CBFA2T3: variants seen among roughly 807,000 people sequenced by gnomAD.
The protein encoded by CBFA2T3 is transcriptional corepressor CBFA2T3.
Under a neutral mutation model 58.6 loss-of-function variants are expected in CBFA2T3, and 31 were observed. The observed-to-expected ratio is 0.53, with a 90% confidence interval of 0.40 to 0.71. CBFA2T3 has a LOEUF of 0.71. Ranked by LOEUF, CBFA2T3 falls within the 30% of genes least tolerant of loss-of-function variation. The pLI is 0.00. For synonymous variants in CBFA2T3, 531 were observed against 421.9 expected (o/e 1.26, Z -3.17); for missense variants, 1,076 against 963.1 (o/e 1.12, Z -1.55).
intron 2 of CBFA2T3, among the ~76,000 whole-genome samples, chr16:88,898,519 C>A (rs980574359): frequency 6.6e-6 from 1 of 152,230 alleles, no homozygotes; most frequent in Non-Finnish European, 1.5e-5. Flanking sequence ...CAGCACTGTT[C>A]CGGAGTTTAC....
intron 5 of CBFA2T3, among the ~76,000 whole-genome samples, chr16:88,888,671 T>C (rs1252005469): frequency 1.4e-5 from 2 of 143,218 alleles, no homozygotes; most frequent in Non-Finnish European, 3.1e-5. Flanking sequence ...CTGGCTTGTA[T>C]CTGAGCCACA....
chr16:88,951,851 G>T (rs142235850), intron 1 of CBFA2T3, among the ~76,000 whole-genome samples: 1 of 152,230 alleles, frequency 6.6e-6, no homozygotes, highest in African/African-American at 2.4e-5. Flanking sequence ...GCAGAGCGGC[G>T]GAGGGTGTGC....
At chr16:88,940,607 G>A (rs766598568) in intron 1 of CBFA2T3, among the ~76,000 whole-genome samples, 20 of 152,172 alleles carry the variant, frequency 1.3e-4, no homozygotes, top group Non-Finnish European at 2.8e-4. Context: ...GGGCAGGAGG[G>A]AGAGGAGCAG....
intron 1 of CBFA2T3, among the ~76,000 whole-genome samples, chr16:88,903,934 G>A (rs972835602): frequency 2.6e-5 from 4 of 152,276 alleles, no homozygotes; most frequent in African/African-American, 9.6e-5. Context: ...TGGATGCAGA[G>A]AGCCCCACTG....
rs1454184016 is a variant in CBFA2T3 at position 88,876,942 on chromosome 16, G to A, written c.*34C>T. ...GCCTGGAGCTGGGTGGGGTTGGCAC[G>A]GTGCTGTGTCCGGCAGGCCAGGGGC... On this transcript the variant is annotated 3_prime_UTR_variant, in exon 12 of 12. Coordinates refer to ENST00000268679, the MANE Select transcript of CBFA2T3 (RefSeq NM_005187.6). 1.1e-5 allele frequency: 15 copies of A among 1,385,740 alleles called. No homozygotes were observed. Among genetic ancestry groups the A allele is most frequent in the Non-Finnish European group, 1.0e-5 (11 of 1,069,850 alleles). 85.8% of individuals were successfully genotyped at this position (1,385,740 alleles called of 1,614,324 possible).
chr16:88,976,641 C>A lies in CBFA2T3; in HGVS notation c.151+16G>T, dbSNP rs1165434531. On this transcript the variant is annotated intron_variant, in intron 1 of 11. Coordinates refer to ENST00000268679, the MANE Select transcript of CBFA2T3 (RefSeq NM_005187.6). ...TCTCTGCCCCCACCCCACCACCTTCCCCTCGAGCCTCTTACCTGGGCCGCC... is the reference window on the plus strand; with the variant it reads ...TCTCTGCCCCCACCCCACCACCTTCACCTCGAGCCTCTTACCTGGGCCGCC... 6.5e-7 allele frequency: 1 copy of A among 1,543,264 alleles called. No homozygotes were observed. Among genetic ancestry groups the A allele is most frequent in the East Asian group, 2.4e-5 (1 of 41,072 alleles).
chr16:88,965,882 A>G (rs866961620), intron 1 of CBFA2T3, among the ~76,000 whole-genome samples: 3 of 152,260 alleles, frequency 2.0e-5, no homozygotes, highest in African/African-American at 7.2e-5. Context: ...AAGCCCACAG[A>G]ACCACCGGCT....
chr16:88,944,916 C>G (rs1971864503), intron 1 of CBFA2T3, among the ~76,000 whole-genome samples: 1 of 152,248 alleles, frequency 6.6e-6, no homozygotes, highest in African/African-American at 2.4e-5. Flanking sequence ...CTTGAGTAAT[C>G]TCAGAACACA....
chr16:88,919,795 G>A (rs1025238754), intron 1 of CBFA2T3, among the ~76,000 whole-genome samples: 1 of 152,174 alleles, frequency 6.6e-6, no homozygotes, highest in Non-Finnish European at 1.5e-5. Flanking sequence ...CACGTAATCC[G>A]TGGACACTGT....
rs1452891526 is a variant in CBFA2T3 at position 88,885,669 on chromosome 16, C to G, written c.893+292G>C. 8.6e-6 allele frequency: 4 copies of G among 465,086 alleles called. No homozygotes were observed. The highest frequency in any genetic ancestry group is 1.2e-5 in the Non-Finnish European group (3 of 260,354). 28.8% of individuals were successfully genotyped at this position (465,086 alleles called of 1,614,324 possible). A position where few individuals can be genotyped will look rare whatever the true frequency, so the allele number is the denominator to read the frequency against. ...CCAGGCACCTGGGGACCATGGACCC[C>G]GGACGCTCGGAGTCCATGCCCGGCA... On this transcript the variant is annotated intron_variant, in intron 6 of 11. Coordinates refer to ENST00000268679, the MANE Select transcript of CBFA2T3 (RefSeq NM_005187.6). This position sits in a 1 kb window ranked among gnomAD's most constrained non-coding sequence, Gnocchi z 5.3.
chr16:88,907,057 A>C (rs560207634), intron 1 of CBFA2T3, among the ~76,000 whole-genome samples: 2 of 152,042 alleles, frequency 1.3e-5, no homozygotes, highest in African/African-American at 2.4e-5. Context: ...TCAAACCCCA[A>C]GGGGTTTTCT....
intron 1 of CBFA2T3, among the ~76,000 whole-genome samples, chr16:88,921,267 T>C (rs929215303): frequency 1.2e-4 from 18 of 152,390 alleles, no homozygotes; most frequent in African/African-American, 4.1e-4. Flanking sequence ...GCCACATAAA[T>C]GAATACCAAT....
intron 1 of CBFA2T3, among the ~76,000 whole-genome samples, chr16:88,970,103 G>C (rs547393225): frequency 5.6e-4 from 85 of 152,372 alleles, no homozygotes; most frequent in African/African-American, 2.0e-3. Flanking sequence ...GCCTGGGGGA[G>C]GGGTTGGCCC....
At chr16:88,925,674 C>T (rs1254846608) in intron 1 of CBFA2T3, among the ~76,000 whole-genome samples, 11 of 152,194 alleles carry the variant, frequency 7.2e-5, no homozygotes, top group African/African-American at 2.4e-4. Flanking sequence ...TAACCGGAGG[C>T]TTCTAGTTTC....
At chr16:88,956,486 G>A (rs961393620) in intron 1 of CBFA2T3, among the ~76,000 whole-genome samples, 13 of 152,236 alleles carry the variant, frequency 8.5e-5, no homozygotes, top group Admixed American at 3.3e-4. Flanking sequence ...AGAGGAACGC[G>A]GAGCTTCTAC....
At chr16:88,972,378 G>T (rs2142887865) in intron 1 of CBFA2T3, among the ~76,000 whole-genome samples, 1 of 152,272 alleles carries the variant, frequency 6.6e-6, no homozygotes, top group Non-Finnish European at 1.5e-5. Flanking sequence ...CTCTCCTGAG[G>T]ACTTCCTGCC....
At chr16:88,966,179 C>G (rs1273103167) in intron 1 of CBFA2T3, among the ~76,000 whole-genome samples, 1 of 152,248 alleles carries the variant, frequency 6.6e-6, no homozygotes, top group Admixed American at 6.5e-5. Flanking sequence ...GCTCACTGGC[C>G]TGCACAGTCC....
intron 1 of CBFA2T3, 142 bp downstream of exon 1, chr16:88,976,515 T>C (rs1972865033): frequency 6.1e-6 from 4 of 659,132 alleles, no homozygotes; most frequent in Non-Finnish European, 1.0e-5. Context: ...CCTGTTGATA[T>C]CTGAGGTGAG....
intron 1 of CBFA2T3, among the ~76,000 whole-genome samples, chr16:88,946,773 T>C (rs999690574): frequency 6.6e-6 from 1 of 151,904 alleles, no homozygotes; most frequent in Non-Finnish European, 1.5e-5. Flanking sequence ...GAGCCACTGC[T>C]TCTGGCTGAG....
Sources: allele counts gnomAD v4.1 joint callset (sites outside exome capture counted in the v4.1 genomes callset), GRCh38; gene constraint gnomAD v4.1.1; non-coding constraint Gnocchi (gnomAD v3.1); transcripts MANE v1.5; gene names NCBI Gene and HGNC (gene_info 2026-07-23, HGNC 2026-07-21).